SOX5: variants seen among roughly 807,000 people sequenced by gnomAD.
SOX5 encodes SRY-box transcription factor 5, also known as transcription factor SOX-5.
SOX5 carries 9 observed loss-of-function variants against 92.0 expected under a neutral mutation model. The ratio of observed to expected loss-of-function variants is 0.10; its 90% CI spans 0.06 to 0.17. The LOEUF is 0.17. Among genes scored for constraint, SOX5 ranks in the 10% least tolerant of loss-of-function variants. SOX5 has a pLI of 1.00. For synonymous variants in SOX5, 344 were observed against 336.3 expected (o/e 1.02, Z -0.25); for missense variants, 642 against 944.5 (o/e 0.68, Z 4.20).
intron 4 of SOX5, among the ~76,000 whole-genome samples, chr12:24,158,415 T>C (rs1052541816): frequency 9.2e-5 from 14 of 152,078 alleles, no homozygotes; most frequent in African/African-American, 2.9e-4. Flanking sequence ...ATAACTAACA[T>C]TTACCCAGAA....
At chr12:24,561,889 T>C (rs1019381751) in intron 1 of SOX5, among the ~76,000 whole-genome samples, 1 of 152,190 alleles carries the variant, frequency 6.6e-6, no homozygotes, top group Non-Finnish European at 1.5e-5. Flanking sequence ...GCCTTGGACA[T>C]TGGCCGCGAT....
intron 4 of SOX5, among the ~76,000 whole-genome samples, chr12:23,968,735 C>T (rs957713623): frequency 3.9e-5 from 6 of 152,188 alleles, no homozygotes. Flanking sequence ...CTTTATTCAG[C>T]ATTCCCTTCT....
At chr12:23,940,550 T>C (rs1017235951) in intron 1 of SOX5, among the ~76,000 whole-genome samples, 2 of 151,304 alleles carry the variant, frequency 1.3e-5, no homozygotes, top group African/African-American at 4.8e-5. Flanking sequence ...TCCTATCTTC[T>C]AATTTTACAG....
At chr12:24,353,228 A>T (rs1272429119) in intron 2 of SOX5, among the ~76,000 whole-genome samples, 1 of 152,204 alleles carries the variant, frequency 6.6e-6, no homozygotes, top group Non-Finnish European at 1.5e-5. Context: ...CAGGAATGTG[A>T]CACTGATTCA....
intron 9 of SOX5, chr12:23,582,345 C>G: frequency 1.1e-6 from 1 of 929,052 alleles, no homozygotes. Context: ...GGAAGTGTAC[C>G]TGCTGAGCAG....
intron 2 of SOX5, among the ~76,000 whole-genome samples, chr12:23,879,908 G>A (rs2096968631): frequency 6.6e-6 from 1 of 152,024 alleles, no homozygotes; most frequent in Non-Finnish European, 1.5e-5. Flanking sequence ...AGCAGTAGGT[G>A]GACTGTAGGA....
intron 3 of SOX5, chr12:24,238,079 T>C (rs894062827): frequency 6.6e-6 from 1 of 152,212 alleles, no homozygotes; most frequent in African/African-American, 2.4e-5. Context: ...AATTATTTAT[T>C]TTCTTACTTT....
At position 23,980,094 on chromosome 12, in the gene SOX5, C is replaced by T. The variant is rs117820729; in HGVS notation, c.-1-84070G>A. 3.8e-3 allele frequency among the ~76,000 whole-genome samples: 571 copies of T among 152,148 alleles called. 12 individuals are homozygous for T. The highest frequency in any genetic ancestry group is 0.014 in the East Asian group (72 of 5,172). Reference sequence around the variant, plus strand: ...CCTCCCAAAGTGCGGAGATTATGGGCATGAATTCGTTATCTTCGTATGGCC... The same window carrying T: ...CCTCCCAAAGTGCGGAGATTATGGGTATGAATTCGTTATCTTCGTATGGCC... On this transcript the variant is annotated intron_variant, in intron 4 of 4. Transcript: ENST00000446891.
intron 8 of SOX5, among the ~76,000 whole-genome samples, chr12:23,619,745 T>C (rs1214506545): frequency 1.3e-5 from 2 of 152,216 alleles, no homozygotes; most frequent in Non-Finnish European, 2.9e-5. Context: ...TCCTTTTGGC[T>C]ACTGCCAGTA....
intron 1 of SOX5, among the ~76,000 whole-genome samples, chr12:24,531,531 A>G (rs1951196309): frequency 6.6e-6 from 1 of 152,232 alleles, no homozygotes; most frequent in Non-Finnish European, 1.5e-5. Flanking sequence ...CATATTTTAA[A>G]CCTATTTTAA....
intron 8 of SOX5, among the ~76,000 whole-genome samples, chr12:23,633,528 G>A (rs1433632657): frequency 6.6e-6 from 1 of 151,834 alleles, no homozygotes; most frequent in African/African-American, 2.4e-5. Flanking sequence ...CCTTTAAAAA[G>A]AGTCAGCATC....
intron 3 of SOX5, among the ~76,000 whole-genome samples, chr12:23,817,570 G>A (rs1362075966): frequency 1.3e-5 from 2 of 152,196 alleles, no homozygotes; most frequent in African/African-American, 4.8e-5. Flanking sequence ...TAGATCCAGT[G>A]AATATTGGAA....
chr12:24,451,184 C>T lies in SOX5; in HGVS notation c.-250-82545G>A, dbSNP rs574489643. On this transcript the variant is annotated intron_variant, in intron 1 of 4. Transcript: ENST00000446891. ...TGTATAAGTACCACATTTTCTTTAT[C>T]CATTCATATGTTGATGGACATTTAG... 3.3e-5 allele frequency among the ~76,000 whole-genome samples: 5 copies of T among 152,282 alleles called. No homozygotes were observed. In the South Asian group the frequency reaches 8.3e-4, roughly 25 times the overall value.
chr12:23,594,510 C>T (rs569371984), intron 9 of SOX5, among the ~76,000 whole-genome samples: 1 of 151,946 alleles, frequency 6.6e-6, no homozygotes, highest in East Asian at 1.9e-4. Flanking sequence ...TGTAGAAGCC[C>T]TTAAAATATT....
chr12:23,858,980 A>T (rs2096724328), intron 2 of SOX5, among the ~76,000 whole-genome samples: 1 of 152,150 alleles, frequency 6.6e-6, no homozygotes, highest in African/African-American at 2.4e-5. Context: ...AATTTCCTGC[A>T]CCTGTCTTTA....
At chr12:24,543,001 T>C (rs955689551) in intron 1 of SOX5, among the ~76,000 whole-genome samples, 3 of 152,198 alleles carry the variant, frequency 2.0e-5, no homozygotes, top group Non-Finnish European at 4.4e-5. Context: ...AATTGGCAAA[T>C]TGATAAACAC....
chr12:23,577,764 T>G (rs1184414246), intron 9 of SOX5, among the ~76,000 whole-genome samples: 1 of 152,100 alleles, frequency 6.6e-6, no homozygotes, highest in East Asian at 1.9e-4. Context: ...TGACAGGAAG[T>G]GAAATAATTC....
chr12:23,655,971 A>G (rs772847822), intron 7 of SOX5, among the ~76,000 whole-genome samples: 3 of 151,912 alleles, frequency 2.0e-5, no homozygotes, highest in Non-Finnish European at 4.4e-5. Flanking sequence ...ATGATATTTT[A>G]TATTTATACA....
At chr12:24,458,657 C>T (rs910237609) in intron 1 of SOX5, among the ~76,000 whole-genome samples, 1 of 152,144 alleles carries the variant, frequency 6.6e-6, no homozygotes, top group African/African-American at 2.4e-5. Context: ...ATCTGGGAAC[C>T]AGCAACATCA....
Sources: gnomAD v4.1 joint callset for allele counts (sites outside exome capture counted in the v4.1 genomes callset) on GRCh38, gnomAD v4.1.1 for gene constraint, MANE v1.5 for transcripts, NCBI Gene and HGNC (gene_info 2026-07-23, HGNC 2026-07-21) for gene names.